Variants in CDKAL1 observed in about 807,000 individuals in gnomAD.
The protein encoded by CDKAL1 is CDKAL1 threonylcarbamoyladenosine tRNA methylthiotransferase.
Under a neutral mutation model 68.2 loss-of-function variants are expected in CDKAL1, and 32 were observed. The observed-to-expected ratio is 0.47, with a 90% confidence interval of 0.35 to 0.63. The LOEUF (loss-of-function observed/expected upper bound fraction) is 0.63, where lower values mean the gene tolerates loss of function less well. Among genes scored for constraint, CDKAL1 ranks in the 30% least tolerant of loss-of-function variants. The pLI, the probability that CDKAL1 is intolerant of heterozygous loss-of-function variation, is 0.00. For missense variants in CDKAL1, 606 were observed against 696.7 expected, an observed-to-expected ratio of 0.87 and a Z score of 1.47; for synonymous variants, 234 against 244.3, an observed-to-expected ratio of 0.96 and a Z score of 0.39.
At chr6:20,723,569 G>C (rs1293882062) in intron 5 of CDKAL1, 1 of 197,390 alleles carries the variant, frequency 5.1e-6, no homozygotes, top group African/African-American at 2.3e-5. Flanking sequence ...TGCATTACTT[G>C]CTCTTCTTGC....
intron 7 of CDKAL1, among the ~76,000 whole-genome samples, chr6:20,774,437 C>A (rs1408939741): frequency 1.3e-5 from 2 of 152,072 alleles, no homozygotes; most frequent in African/African-American, 2.4e-5. Context: ...GGAGGTGGTT[C>A]TTTTCTATTT....
chr6:20,922,029 C>G (rs1762979531), intron 9 of CDKAL1, among the ~76,000 whole-genome samples: 1 of 152,180 alleles, frequency 6.6e-6, no homozygotes, highest in Non-Finnish European at 1.5e-5. Flanking sequence ...GGGCTGTCTT[C>G]TTAAAAGCGC....
chr6:21,230,871 C>T lies in CDKAL1; in HGVS notation c.1572C>T (p.Asn524=). The T allele has an allele frequency of 1.2e-6, 2 of 1,608,618 alleles. No homozygotes were observed. Among genetic ancestry groups the T allele is most frequent in the Non-Finnish European group, 1.7e-6 (2 of 1,176,768 alleles). The change falls in exon 16 of 16, where the codon AAC becomes AAT. Residue 524 remains asparagine, a synonymous_variant. Transcript: ENST00000274695. ...AGGACTTCAGAAATGGGCTTGGGAA[C>T]CAGCTGAGTTCAGGATCCCACACCT... is the stretch of plus-strand genomic sequence containing the variant. ...LTKDFRNGLG[N]QLSSGSHTSA...
At chr6:20,811,978 A>G (rs1776839427) in intron 8 of CDKAL1, among the ~76,000 whole-genome samples, 1 of 152,166 alleles carries the variant, frequency 6.6e-6, no homozygotes, top group African/African-American at 2.4e-5. Context: ...TAATCAGGGT[A>G]TAGGCCAGAT....
chr6:21,091,508 C>T lies in CDKAL1; in HGVS notation c.1237-16893C>T, dbSNP rs570342163. Among the ~76,000 whole-genome samples the T allele has an allele frequency of 4.6e-5, 7 of 152,270 alleles. No individual in the cohort carries two copies. In the East Asian group the frequency reaches 1.4e-3, roughly 29 times the overall value. On this transcript the variant is annotated intron_variant, in intron 12 of 15. Transcript: ENST00000274695. Reference sequence around the variant, plus strand: ...ACTTAAGAAGCAGCAGCTGGATTGCCCCATTCCCTCCCCAGCTCAGGCGTA... The same window carrying T: ...ACTTAAGAAGCAGCAGCTGGATTGCTCCATTCCCTCCCCAGCTCAGGCGTA...
chr6:21,027,124 C>T (rs1187853340), intron 11 of CDKAL1, among the ~76,000 whole-genome samples: 1 of 152,140 alleles, frequency 6.6e-6, no homozygotes, highest in Non-Finnish European at 1.5e-5. Flanking sequence ...GCCACCCCCG[C>T]CCTACCTCCA....
At chr6:20,688,590 A>G (rs1770736095) in intron 5 of CDKAL1, among the ~76,000 whole-genome samples, 1 of 151,762 alleles carries the variant, frequency 6.6e-6, no homozygotes, top group Non-Finnish European at 1.5e-5. Context: ...GATTTCTCTT[A>G]TATGTTTTTT....
chr6:20,882,024 T>C (rs1425742582), intron 9 of CDKAL1, among the ~76,000 whole-genome samples: 1 of 152,194 alleles, frequency 6.6e-6, no homozygotes, highest in Non-Finnish European at 1.5e-5. Context: ...AATGGAATCA[T>C]GCGATATGTA....
Position 21,192,804 on chromosome 6 carries a change from G to A in CDKAL1, c.1300-5217G>A, listed in dbSNP as rs555596098. Among the ~76,000 whole-genome samples, 8 of 146,184 alleles carry A rather than the reference G, an allele frequency of 5.5e-5. No homozygotes were observed. The East Asian group carries it at 1.6e-3, about 29-fold the overall frequency. On this transcript the variant is annotated intron_variant, in intron 13 of 15. Transcript: ENST00000274695. Reference sequence around the variant, plus strand: ...GGATTACAAGAAAATACTTTGTTGAGAGTTCCTTTTTTTTTTTTTTTTTTT... The same window carrying A: ...GGATTACAAGAAAATACTTTGTTGAAAGTTCCTTTTTTTTTTTTTTTTTTT...
chr6:20,728,686 AC>A (rs1772766315), intron 5 of CDKAL1, among the ~76,000 whole-genome samples: 1 of 152,148 alleles, frequency 6.6e-6, no homozygotes, highest in Non-Finnish European at 1.5e-5. Context: ...AAACGAAATG[AC>A]AGGGCTAGAA....
Position 20,606,045 on chromosome 6 carries a change from G to A in CDKAL1, c.287-43248G>A, listed in dbSNP as rs114768780. 2.3e-3 allele frequency among the ~76,000 whole-genome samples: 349 copies of A among 152,270 alleles called. 1 individual carries two copies. Among genetic ancestry groups the A allele is most frequent in the Middle Eastern group, 6.8e-3 (2 of 294 alleles). ...AGTCTGGAAACTGACAAAGCAGTAA[G>A]CTGGGGCAATTGTAGGGCCCACTTC... is the stretch of plus-strand genomic sequence containing the variant. On this transcript the variant is annotated intron_variant, in intron 4 of 15. Transcript: ENST00000274695.
intron 9 of CDKAL1, among the ~76,000 whole-genome samples, chr6:20,853,281 C>T (rs891767109): frequency 2.6e-5 from 4 of 151,838 alleles, no homozygotes; most frequent in Admixed American, 2.6e-4. Flanking sequence ...ACTTGGGAGG[C>T]CGAGGTGGAA....
intron 12 of CDKAL1, among the ~76,000 whole-genome samples, chr6:21,078,965 T>C (rs897926949): frequency 2.0e-5 from 3 of 152,146 alleles, no homozygotes; most frequent in Non-Finnish European, 4.4e-5. Context: ...ACTCAGTATG[T>C]GTTGGATTGA....
At chr6:21,073,790 C>G (rs895214417) in intron 12 of CDKAL1, among the ~76,000 whole-genome samples, 27 of 152,108 alleles carry the variant, frequency 1.8e-4, no homozygotes, top group African/African-American at 6.3e-4. Context: ...TTTTTCCAGT[C>G]TATGGCCTGT....
chr6:20,786,801 C>T (rs996005496), intron 8 of CDKAL1, among the ~76,000 whole-genome samples: 2 of 151,954 alleles, frequency 1.3e-5, no homozygotes, highest in East Asian at 3.9e-4. Context: ...GGCCTTGACT[C>T]CCTTATTTTT....
At chr6:21,194,189 A>G (rs747446167) in intron 13 of CDKAL1, among the ~76,000 whole-genome samples, 1 of 152,240 alleles carries the variant, frequency 6.6e-6, no homozygotes, top group Non-Finnish European at 1.5e-5. Context: ...ACACTGTTAC[A>G]TTGTCAATTA....
chr6:20,724,045 A>T (rs1044149094), intron 5 of CDKAL1, among the ~76,000 whole-genome samples: 1 of 151,884 alleles, frequency 6.6e-6, no homozygotes, highest in African/African-American at 2.4e-5. Flanking sequence ...TGATTTTCCC[A>T]CCTCAGCCTC....
chr6:20,621,759 T>G (rs1415034426), intron 4 of CDKAL1, among the ~76,000 whole-genome samples: 1 of 145,454 alleles, frequency 6.9e-6, no homozygotes, highest in Non-Finnish European at 1.5e-5. Flanking sequence ...CCTGTGTCCC[T>G]TTGCATACCT....
At chr6:20,688,290 T>C (rs1770719636) in intron 5 of CDKAL1, among the ~76,000 whole-genome samples, 1 of 152,152 alleles carries the variant, frequency 6.6e-6, no homozygotes, top group Admixed American at 6.5e-5. Context: ...TTAGGGAAAT[T>C]TTCAGTGATT....
Sources: allele counts gnomAD v4.1 joint callset (sites outside exome capture counted in the v4.1 genomes callset), GRCh38; gene constraint gnomAD v4.1.1; transcripts MANE v1.5; gene names NCBI Gene and HGNC (gene_info 2026-07-23, HGNC 2026-07-21).